DLG2: variants seen among roughly 807,000 people sequenced by gnomAD.
The protein encoded by DLG2 is discs large MAGUK scaffold protein 2, also known as disks large homolog 2.
Under a neutral mutation model 132.5 loss-of-function variants are expected in DLG2, and 45 were observed. The ratio of observed to expected loss-of-function variants is 0.34; its 90% CI spans 0.27 to 0.44. The LOEUF (loss-of-function observed/expected upper bound fraction) is 0.44, where lower values mean the gene tolerates loss of function less well. Among genes scored for constraint, DLG2 ranks in the 20% least tolerant of loss-of-function variants. The probability of loss-of-function intolerance (pLI) is 1.00; values close to 1 mark genes in which losing one functional copy is unlikely to be tolerated. For synonymous variants in DLG2, 424 were observed against 419.6 expected, an observed-to-expected ratio of 1.01 and a Z score of -0.13; for missense variants, 1,045 against 1,196.9, an observed-to-expected ratio of 0.87 and a Z score of 1.87.
Position 83,791,021 on chromosome 11 carries a change from T to C in DLG2, c.1723-4229A>G, listed in dbSNP as rs7103592. On this transcript the variant is annotated intron_variant, in intron 17 of 27. Transcript: ENST00000376104. ...CCGAGCTTTTCAGTGAATTGGCTTG[T>C]TCCTGGCACGCGGTCTCAGACTGAA... 66 of 766,786 alleles carry C rather than the reference T, an allele frequency of 8.6e-5. No homozygotes were observed. The Admixed American group carries it at 1.0e-3, about 12-fold the overall frequency. The allele number at this position is 766,786 out of a possible 1,614,324, so 47.5% of individuals were successfully genotyped here. A position where few individuals can be genotyped will look rare whatever the true frequency, so the allele number is the denominator to read the frequency against.
At chr11:83,583,408 G>C (rs2097019049) in intron 19 of DLG2, among the ~76,000 whole-genome samples, 1 of 152,152 alleles carries the variant, frequency 6.6e-6, no homozygotes, top group Admixed American at 6.5e-5. Flanking sequence ...CATTATTAGG[G>C]GCAGTGTGGC....
chr11:85,363,651 G>A (rs895713330), intron 3 of DLG2, among the ~76,000 whole-genome samples: 1 of 152,118 alleles, frequency 6.6e-6, no homozygotes, highest in South Asian at 2.1e-4. Flanking sequence ...ACTGTGAATG[G>A]TAAATACATT....
At chr11:83,911,844 G>A (rs1470290640) in intron 15 of DLG2, among the ~76,000 whole-genome samples, 1 of 151,994 alleles carries the variant, frequency 6.6e-6, no homozygotes, top group East Asian at 1.9e-4. Flanking sequence ...TAAAAGAAAA[G>A]CAAAAGGTTT....
intron 2 of DLG2, among the ~76,000 whole-genome samples, chr11:85,600,035 T>A (rs943694365): frequency 1.1e-4 from 16 of 152,190 alleles, no homozygotes; most frequent in African/African-American, 3.9e-4. Flanking sequence ...ACCTTCCAAC[T>A]CTTCTTCCTC....
At chr11:83,477,050 G>C (rs1486108259) in intron 22 of DLG2, among the ~76,000 whole-genome samples, 2 of 152,080 alleles carry the variant, frequency 1.3e-5, no homozygotes, top group African/African-American at 4.8e-5. Context: ...AGTTCTTCAA[G>C]ATCCTTGTTT....
At chr11:85,147,266 C>T (rs2076932341) in intron 5 of DLG2, among the ~76,000 whole-genome samples, 1 of 152,178 alleles carries the variant, frequency 6.6e-6, no homozygotes, top group Admixed American at 6.5e-5. Flanking sequence ...GGGATAATCA[C>T]TGGAACGTTC....
chr11:83,635,308 T>C (rs539926267), intron 18 of DLG2, among the ~76,000 whole-genome samples: 1 of 152,340 alleles, frequency 6.6e-6, no homozygotes, highest in East Asian at 1.9e-4. Flanking sequence ...GAGCAAGTCG[T>C]ATTTTCTTGC....
chr11:84,792,542 C>G (rs1019565783), intron 6 of DLG2, among the ~76,000 whole-genome samples: 1 of 151,836 alleles, frequency 6.6e-6, no homozygotes, highest in African/African-American at 2.4e-5. Context: ...GTAGTGAAAC[C>G]ATTGGGTACC....
intron 18 of DLG2, among the ~76,000 whole-genome samples, chr11:83,760,502 C>T (rs1001000317): frequency 6.6e-6 from 1 of 151,740 alleles, no homozygotes; most frequent in African/African-American, 2.4e-5. Flanking sequence ...TTACAGGTGC[C>T]TGCCACCACG....
intron 7 of DLG2, among the ~76,000 whole-genome samples, chr11:84,398,439 C>T (rs2098818293): frequency 6.6e-6 from 1 of 152,104 alleles, no homozygotes; most frequent in Non-Finnish European, 1.5e-5. Context: ...TTAATGGTGA[C>T]CAGGAAGGCA....
intron 6 of DLG2, among the ~76,000 whole-genome samples, chr11:84,817,064 T>A (rs1566042583): frequency 6.6e-6 from 1 of 152,020 alleles, no homozygotes; most frequent in Non-Finnish European, 1.5e-5. Context: ...GAAAGTAATT[T>A]GTAAACTGTA....
At chr11:84,094,376 T>A (rs1049408995) in intron 10 of DLG2, among the ~76,000 whole-genome samples, 4 of 152,210 alleles carry the variant, frequency 2.6e-5, no homozygotes, top group African/African-American at 9.6e-5. Flanking sequence ...GATTATTACA[T>A]AACCACTAAT....
At chr11:84,732,427 G>A (rs1323030587) in intron 6 of DLG2, among the ~76,000 whole-genome samples, 1 of 151,834 alleles carries the variant, frequency 6.6e-6, no homozygotes, top group Non-Finnish European at 1.5e-5. Context: ...ACCATCACCT[G>A]GTATTGTCAA....
chr11:85,160,631 T>G (rs2152471663), intron 4 of DLG2, among the ~76,000 whole-genome samples: 1 of 152,256 alleles, frequency 6.6e-6, no homozygotes, highest in African/African-American at 2.4e-5. Flanking sequence ...GGAAGTGGTA[T>G]ATACATGATT....
chr11:84,859,303 A>T (rs1599986883), intron 6 of DLG2, among the ~76,000 whole-genome samples: 1 of 145,472 alleles, frequency 6.9e-6, no homozygotes, highest in East Asian at 2.0e-4. Context: ...TCATAAACAT[A>T]TATACCTATA....
At chr11:85,159,278 T>C (rs2077847321) in intron 4 of DLG2, among the ~76,000 whole-genome samples, 1 of 152,148 alleles carries the variant, frequency 6.6e-6, no homozygotes, top group African/African-American at 2.4e-5. Context: ...TCCGGACTCA[T>C]CCTGTGGTCA....
intron 7 of DLG2, among the ~76,000 whole-genome samples, chr11:84,527,483 T>C (rs2099324904): frequency 6.6e-6 from 1 of 152,184 alleles, no homozygotes; most frequent in Non-Finnish European, 1.5e-5. Flanking sequence ...ACTCAACAAG[T>C]GCCCAGTTGT....
intron 6 of DLG2, among the ~76,000 whole-genome samples, chr11:84,811,598 T>A (rs1328107638): frequency 1.3e-5 from 2 of 152,148 alleles, no homozygotes; most frequent in Admixed American, 1.3e-4. Flanking sequence ...AAGGGAGATG[T>A]AGGCTATTTT....
intron 8 of DLG2, among the ~76,000 whole-genome samples, chr11:84,212,599 G>A (rs1471878975): frequency 6.6e-6 from 1 of 152,200 alleles, no homozygotes; most frequent in Admixed American, 6.5e-5. Flanking sequence ...TAATTGACTT[G>A]AAAACCAGTG....
Sources: allele counts gnomAD v4.1 joint callset (sites outside exome capture counted in the v4.1 genomes callset), GRCh38; gene constraint gnomAD v4.1.1; transcripts MANE v1.5; gene names NCBI Gene and HGNC (gene_info 2026-07-23, HGNC 2026-07-21).